CHRM3: variants seen among roughly 807,000 people sequenced by gnomAD.
CHRM3 encodes the protein cholinergic receptor muscarinic 3.
CHRM3 carries 11 observed loss-of-function variants against 41.8 expected under a neutral mutation model. The ratio of observed to expected loss-of-function variants is 0.26; its 90% CI spans 0.17 to 0.44. CHRM3 has a LOEUF of 0.44. Among genes scored for constraint, CHRM3 ranks in the 20% least tolerant of loss-of-function variants. The pLI is 1.00. For missense variants in CHRM3, 571 were observed against 745.4 expected (o/e 0.77, Z 2.72); for synonymous variants, 297 against 301.4 (o/e 0.99, Z 0.15).
At chr1:239,633,758 C>T (rs1045555379) in intron 4 of CHRM3, among the ~76,000 whole-genome samples, 1 of 151,170 alleles carries the variant, frequency 6.6e-6, no homozygotes, top group Non-Finnish European at 1.5e-5. Context: ...CAACAAAAGC[C>T]GAACTGGGGA....
At chr1:239,889,174 G>A (rs562945621) in intron 6 of CHRM3, among the ~76,000 whole-genome samples, 1 of 152,140 alleles carries the variant, frequency 6.6e-6, no homozygotes, top group East Asian at 1.9e-4. Flanking sequence ...ATGCAGGGGG[G>A]TTTATAGATG....
chr1:239,448,629 A>G (rs1418982868), intron 1 of CHRM3, among the ~76,000 whole-genome samples: 1 of 152,192 alleles, frequency 6.6e-6, no homozygotes, highest in East Asian at 1.9e-4. Flanking sequence ...AAAAACTGAA[A>G]TAGTTTCTTA....
At chr1:239,517,528 G>T (rs1669351058) in intron 2 of CHRM3, among the ~76,000 whole-genome samples, 1 of 152,098 alleles carries the variant, frequency 6.6e-6, no homozygotes, top group African/African-American at 2.4e-5. Context: ...ACGTAATATG[G>T]CTAATACAGT....
At chr1:239,885,418 C>T (rs1572592371) in intron 6 of CHRM3, among the ~76,000 whole-genome samples, 1 of 152,194 alleles carries the variant, frequency 6.6e-6, no homozygotes, top group African/African-American at 2.4e-5. Context: ...TTCCAGGGAC[C>T]ACACTTGGAT....
chr1:239,834,855 C>A (rs1673185729), intron 6 of CHRM3, among the ~76,000 whole-genome samples: 1 of 152,172 alleles, frequency 6.6e-6, no homozygotes, highest in Non-Finnish European at 1.5e-5. Context: ...ATGATATTCA[C>A]TGGGTACACC....
chr1:239,786,473 G>A (rs1264815048), intron 5 of CHRM3, among the ~76,000 whole-genome samples: 1 of 152,334 alleles, frequency 6.6e-6, no homozygotes, highest in East Asian at 1.9e-4. Flanking sequence ...GAGAGGGTAA[G>A]TCATTTGCCC....
At position 239,799,417 on chromosome 1, in the gene CHRM3, G is replaced by C. The variant is rs369883768; in HGVS notation, c.-146-27835G>C. On this transcript the variant is annotated intron_variant, in intron 5 of 6. Coordinates refer to ENST00000676153, the MANE Select transcript of CHRM3 (RefSeq NM_001375978.1). ...AGAGTTGAGAGTCTTCACTTCTCAG[G>C]GGCAGGATCGAACACGCTGTTTTCG... is the stretch of plus-strand genomic sequence containing the variant. 2.6e-5 allele frequency among the ~76,000 whole-genome samples: 4 copies of C among 152,196 alleles called. No homozygotes were observed. In the East Asian group the frequency reaches 7.7e-4, roughly 29 times the overall value.
chr1:239,850,800 A>G (rs1674642432), intron 6 of CHRM3, among the ~76,000 whole-genome samples: 1 of 152,100 alleles, frequency 6.6e-6, no homozygotes, highest in Admixed American at 6.6e-5. Flanking sequence ...GTGAAGAAGG[A>G]CGTGTTTTCT....
intron 1 of CHRM3, among the ~76,000 whole-genome samples, chr1:239,442,391 G>A (rs1003247148): frequency 1.3e-5 from 2 of 152,110 alleles, no homozygotes; most frequent in South Asian, 2.1e-4. Flanking sequence ...ACAGGCGTGA[G>A]CCGCTGCACC....
At chr1:239,483,993 A>G (rs1667027782) in intron 1 of CHRM3, among the ~76,000 whole-genome samples, 1 of 152,218 alleles carries the variant, frequency 6.6e-6, no homozygotes, top group Non-Finnish European at 1.5e-5. Flanking sequence ...GAAAAACATA[A>G]TGCTATTAAC....
Position 239,474,574 on chromosome 1 carries a change from A to G in CHRM3, c.-520-18135A>G, listed in dbSNP as rs535658253. On this transcript the variant is annotated intron_variant, in intron 1 of 6. Transcript: ENST00000676153. ...ACTGGTGTCTAGTTATGCTCAATAC[A>G]TACTAATTGTAGAATGATGTATTAT... 5.9e-5 allele frequency among the ~76,000 whole-genome samples: 9 copies of G among 152,272 alleles called. No homozygotes were observed. The East Asian group carries it at 1.5e-3, about 26-fold the overall frequency.
intron 5 of CHRM3, among the ~76,000 whole-genome samples, chr1:239,821,955 C>T (rs946940295): frequency 6.6e-6 from 1 of 152,218 alleles, no homozygotes; most frequent in South Asian, 2.1e-4. Flanking sequence ...CCTGCACTCA[C>T]TACGTCCTGC....
chr1:239,529,577 A>T (rs1246246844), intron 2 of CHRM3, among the ~76,000 whole-genome samples: 1 of 138,806 alleles, frequency 7.2e-6, no homozygotes, highest in Non-Finnish European at 1.5e-5. Context: ...GTGTTGCTGC[A>T]CTCTAGCCTG....
At chr1:239,499,015 C>T (rs1408968078) in intron 2 of CHRM3, among the ~76,000 whole-genome samples, 1 of 152,076 alleles carries the variant, frequency 6.6e-6, no homozygotes, top group Non-Finnish European at 1.5e-5. Context: ...TTTTTATAAT[C>T]TTGTTAGTGT....
intron 4 of CHRM3, among the ~76,000 whole-genome samples, chr1:239,663,539 A>C (rs1673475734): frequency 6.6e-6 from 1 of 152,192 alleles, no homozygotes; most frequent in African/African-American, 2.4e-5. Context: ...ATTAATTTGT[A>C]GTGTACTGCC....
intron 5 of CHRM3, among the ~76,000 whole-genome samples, chr1:239,721,540 A>C (rs993834980): frequency 1.4e-4 from 22 of 151,972 alleles, no homozygotes; most frequent in Non-Finnish European, 2.9e-4. Context: ...AACAAGGTTT[A>C]GAGCTGAAAG....
At chr1:239,842,623 A>G (rs1673910486) in intron 6 of CHRM3, among the ~76,000 whole-genome samples, 2 of 152,104 alleles carry the variant, frequency 1.3e-5, no homozygotes, top group African/African-American at 4.8e-5. Context: ...AGAACCATAT[A>G]CGCATCTATT....
chr1:239,618,827 G>A (rs1308143020), intron 3 of CHRM3, among the ~76,000 whole-genome samples: 1 of 131,792 alleles, frequency 7.6e-6, no homozygotes, highest in Non-Finnish European at 1.6e-5. Flanking sequence ...CTGGGAGACA[G>A]AGCGAGACTC....
chr1:239,651,452 C>A (rs1672230818), intron 4 of CHRM3, among the ~76,000 whole-genome samples: 1 of 152,206 alleles, frequency 6.6e-6, no homozygotes, highest in African/African-American at 2.4e-5. Context: ...TGATTTAAAG[C>A]TGGAGGCAAT....
Sources: allele counts gnomAD v4.1 joint callset (sites outside exome capture counted in the v4.1 genomes callset), GRCh38; gene constraint gnomAD v4.1.1; transcripts MANE v1.5; gene names NCBI Gene and HGNC (gene_info 2026-07-23, HGNC 2026-07-21).